Variants in RANBP2 observed in about 807,000 individuals in gnomAD.
RANBP2 encodes the protein E3 SUMO-protein ligase RanBP2.
In RANBP2, 57 loss-of-function variants were observed where a neutral mutation model predicts 303.6. The observed-to-expected ratio is 0.19, with a 90% CI of 0.15 to 0.23. RANBP2 has a LOEUF of 0.23. Ranked by LOEUF, RANBP2 falls within the 10% of genes least tolerant of loss-of-function variation. The pLI, the probability that RANBP2 is intolerant of heterozygous loss-of-function variation, is 1.00. For synonymous variants in RANBP2, 1,167 were observed against 1,301.5 expected (o/e 0.90, Z 2.23); for missense variants, 3,138 against 3,780.8 (o/e 0.83, Z 4.46).
the RANBP2 span, among the ~76,000 whole-genome samples, chr2:108,796,601 A>G: frequency 6.6e-6 from 1 of 152,228 alleles, no homozygotes; most frequent in Non-Finnish European, 1.5e-5. Context: ...GCAGATAAAG[A>G]AAATGTGGTA....
At chr2:108,907,763 G>A in the RANBP2 span, 31 of 1,424,560 alleles carry the variant, frequency 2.2e-5, no homozygotes, top group Middle Eastern at 7.0e-4. Flanking sequence ...GAAACACCCC[G>A]TCTTGCAGGA....
chr2:109,692,192 AG>A, the RANBP2 span, among the ~76,000 whole-genome samples: 1 of 152,154 alleles, frequency 6.6e-6, no homozygotes, highest in African/African-American at 2.4e-5. Context: ...GAAAAAAGCC[AG>A]ACACGAAAGG....
At chr2:109,092,477 G>T in the RANBP2 span, among the ~76,000 whole-genome samples, 13 of 152,252 alleles carry the variant, frequency 8.5e-5, no homozygotes, top group Middle Eastern at 6.8e-3. Context: ...ATGTTCATTT[G>T]GTTTCCCATG....
the RANBP2 span, among the ~76,000 whole-genome samples, chr2:109,729,019 G>C: frequency 2.0e-5 from 3 of 152,158 alleles, no homozygotes; most frequent in Non-Finnish European, 2.9e-5. Flanking sequence ...TGGCTGGAGA[G>C]CATTCAGCTG....
the RANBP2 span, chr2:108,923,379 T>C: frequency 1.2e-6 from 2 of 1,614,030 alleles, no homozygotes; most frequent in Non-Finnish European, 1.7e-6. Flanking sequence ...TTCCTTGGTG[T>C]TGGGGGGTGC....
At chr2:109,734,769 G>T in the RANBP2 span, among the ~76,000 whole-genome samples, 2 of 152,140 alleles carry the variant, frequency 1.3e-5, no homozygotes, top group South Asian at 4.1e-4. Flanking sequence ...AATTAAAACA[G>T]AATAGCATTG....
chr2:108,823,979 G>GA, the RANBP2 span, among the ~76,000 whole-genome samples: 2 of 146,828 alleles, frequency 1.4e-5, no homozygotes, highest in East Asian at 2.1e-4. Context: ...TGTCTCAAAA[G>GA]AAAAAAAAGG....
chr2:108,907,508 T>C, the RANBP2 span, among the ~76,000 whole-genome samples: 3 of 151,804 alleles, frequency 2.0e-5, no homozygotes, highest in East Asian at 5.8e-4. Context: ...ATTAGCTGGG[T>C]GTGGCAGCGT....
the RANBP2 span, among the ~76,000 whole-genome samples, chr2:109,066,097 C>T: frequency 6.6e-6 from 1 of 151,704 alleles, no homozygotes; most frequent in Admixed American, 6.6e-5. Context: ...GCCACCATGC[C>T]CGGCTAATTC....
At chr2:109,410,168 G>C in the RANBP2 span, among the ~76,000 whole-genome samples, 4 of 152,226 alleles carry the variant, frequency 2.6e-5, no homozygotes, top group Non-Finnish European at 5.9e-5. Flanking sequence ...TAGAATCGGG[G>C]AACCGCGGCC....
the RANBP2 span, among the ~76,000 whole-genome samples, chr2:109,537,673 C>T: frequency 1.5e-4 from 23 of 152,074 alleles, no homozygotes; most frequent in South Asian, 2.1e-4. Context: ...CAGCTGGGTG[C>T]GGTGGCTCAC....
At chr2:109,449,071 C>A in the RANBP2 span, 1 of 1,398,920 alleles carries the variant, frequency 7.1e-7, no homozygotes, top group Non-Finnish European at 9.7e-7. Flanking sequence ...GCTGTGAGTG[C>A]TCGAGAAGGG....
At chr2:108,736,409 T>C (rs1297567427) in intron 6 of RANBP2, among the ~76,000 whole-genome samples, 160 bp downstream of exon 6, 1 of 152,224 alleles carries the variant, frequency 6.6e-6, no homozygotes, top group African/African-American at 2.4e-5. Flanking sequence ...TTATTTTTCT[T>C]CTTTTACGGG....
chr2:109,743,197 G>A, the RANBP2 span, among the ~76,000 whole-genome samples: 1 of 148,036 alleles, frequency 6.8e-6, no homozygotes, highest in East Asian at 1.9e-4. Context: ...CTTGAACCTG[G>A]GAGGCCGATG....
rs1454990443 is a variant in RANBP2 at position 108,730,792 on chromosome 2, T to G, written c.159T>G (p.Ile53Met). ...AAAACAGATACATATGTACTTACAT[T>G]AATGTGCAAGAGAGGGATCCCAAAG... ...DLAKKYICTY[I>M]NVQERDPKAH... The change falls in exon 3 of 29, where the codon ATT becomes ATG. Residue 53 changes from isoleucine to methionine, a missense_variant. By Grantham distance (10) the Ile-to-Met change is conservative. This residue lies in a region of RANBP2 where 306 missense variants were observed against 381.9 expected (regional missense o/e 0.80). Transcript: ENST00000283195. The G allele has an allele frequency of 6.2e-7, 1 of 1,611,526 alleles. No homozygotes were observed.
At chr2:109,418,391 GC>G in the RANBP2 span, among the ~76,000 whole-genome samples, 1 of 152,182 alleles carries the variant, frequency 6.6e-6, no homozygotes, top group Non-Finnish European at 1.5e-5. Context: ...GAGGTCGGAA[GC>G]CCCAAGTCAA....
At chr2:109,593,140 CT>C in the RANBP2 span, 1 of 1,555,876 alleles carries the variant, frequency 6.4e-7, no homozygotes, top group Non-Finnish European at 8.7e-7. Flanking sequence ...AATACAAAGG[CT>C]TAAAAGGAAA....
chr2:108,730,716 A>G, intron 2 of RANBP2, 58 bp from the exon 3 acceptor site: 4 of 1,578,736 alleles, frequency 2.5e-6, no homozygotes, highest in South Asian at 2.2e-5. Flanking sequence ...TTCTTCGGTT[A>G]GCATTTAAAA....
the RANBP2 span, among the ~76,000 whole-genome samples, chr2:109,321,420 G>A: frequency 6.6e-6 from 1 of 152,154 alleles, no homozygotes; most frequent in Non-Finnish European, 1.5e-5. Flanking sequence ...TTGAGTTCAG[G>A]GCATACAGTT....
Sources: gnomAD v4.1 joint callset for allele counts (sites outside exome capture counted in the v4.1 genomes callset) on GRCh38, gnomAD v4.1.1 for gene constraint, gnomAD v4.1.1 regional missense constraint, MANE v1.5 for transcripts, NCBI Gene and HGNC (gene_info 2026-07-23, HGNC 2026-07-21) for gene names.